Variants in PPP1R13B observed in about 807,000 individuals in gnomAD.
PPP1R13B encodes the protein protein phosphatase 1 regulatory subunit 13B.
A neutral mutation model predicts 119.8 loss-of-function variants in PPP1R13B; 44 were observed. That is an observed-to-expected ratio of 0.37 (90% CI 0.29 to 0.47). The LOEUF is 0.47. Ranked by LOEUF, PPP1R13B falls within the 20% of genes least tolerant of loss-of-function variation. The pLI, the probability that PPP1R13B is intolerant of heterozygous loss-of-function variation, is 0.99. For synonymous variants in PPP1R13B, 542 were observed against 561.5 expected, an observed-to-expected ratio of 0.97 and a Z score of 0.49; for missense variants, 1,227 against 1,413.5, an observed-to-expected ratio of 0.87 and a Z score of 2.12.
chr14:103,753,319 G>A (rs2084595673), intron 6 of PPP1R13B, 123 bp from the exon 7 acceptor site: 2 of 955,124 alleles, frequency 2.1e-6, no homozygotes, highest in Non-Finnish European at 3.0e-6. Context: ...GCTGTGATAT[G>A]CAGAATCCAC....
intron 3 of PPP1R13B, 74 bp downstream of exon 3, chr14:103,784,721 A>G: frequency 7.0e-7 from 1 of 1,429,190 alleles, no homozygotes; most frequent in Non-Finnish European, 9.5e-7. Context: ...GAATAATTTA[A>G]TATTTATTCC....
At chr14:103,833,117 T>C (rs1324322443) in intron 1 of PPP1R13B, among the ~76,000 whole-genome samples, 1 of 152,242 alleles carries the variant, frequency 6.6e-6, no homozygotes, top group Non-Finnish European at 1.5e-5. Context: ...ACTGTACACT[T>C]AAAAATGGCT....
chr14:103,799,135 G>A (rs2085832535), intron 1 of PPP1R13B, among the ~76,000 whole-genome samples: 1 of 152,024 alleles, frequency 6.6e-6, no homozygotes, highest in Admixed American at 6.6e-5. Context: ...GAGTAGCTGG[G>A]ATTACAGGCG....
intron 4 of PPP1R13B, among the ~76,000 whole-genome samples, chr14:103,776,243 T>C (rs1223841955): frequency 8.2e-6 from 1 of 121,234 alleles, no homozygotes; most frequent in Non-Finnish European, 1.7e-5. Flanking sequence ...GAAGGAAAGA[T>C]GGCAGGGGCC....
intron 7 of PPP1R13B, among the ~76,000 whole-genome samples, chr14:103,752,683 C>T (rs915369892): frequency 6.6e-6 from 1 of 151,890 alleles, no homozygotes; most frequent in South Asian, 2.1e-4. Flanking sequence ...TACGGGCATG[C>T]GCCACCACGC....
At chr14:103,744,943 G>T (rs970872778) in intron 9 of PPP1R13B, among the ~76,000 whole-genome samples, 1 of 152,204 alleles carries the variant, frequency 6.6e-6, no homozygotes, top group Admixed American at 6.5e-5. Flanking sequence ...CACCAACAAG[G>T]ACGGGACACA....
chr14:103,847,205 C>A, intron 1 of PPP1R13B, 94 bp downstream of exon 1: 1 of 1,045,062 alleles, frequency 9.6e-7, no homozygotes, highest in Non-Finnish European at 1.2e-6. Flanking sequence ...CGGCCTCGCA[C>A]CGGCCCGCGG....
intron 1 of PPP1R13B, among the ~76,000 whole-genome samples, chr14:103,844,890 T>G (rs909070632): frequency 2.6e-5 from 4 of 152,212 alleles, no homozygotes; most frequent in Non-Finnish European, 5.9e-5. Flanking sequence ...AGGTGTGTGC[T>G]GTAAAATGCA....
At chr14:103,779,154 G>A (rs1191714152) in intron 3 of PPP1R13B, among the ~76,000 whole-genome samples, 2 of 146,614 alleles carry the variant, frequency 1.4e-5, no homozygotes. Flanking sequence ...GCCGGGTATG[G>A]TGGTGCACCC....
chr14:103,767,759 A>C (rs2084969225), intron 4 of PPP1R13B, among the ~76,000 whole-genome samples: 1 of 151,982 alleles, frequency 6.6e-6, no homozygotes. Flanking sequence ...TCCTGTTTAT[A>C]ACTCTCTGTC....
intron 1 of PPP1R13B, among the ~76,000 whole-genome samples, chr14:103,801,581 C>T (rs963369147): frequency 6.6e-6 from 1 of 152,218 alleles, no homozygotes; most frequent in Admixed American, 6.5e-5. Context: ...AGGGAGGCCA[C>T]ATGCTCCTTC....
At chr14:103,771,278 C>T (rs932436341) in intron 4 of PPP1R13B, among the ~76,000 whole-genome samples, 1 of 151,984 alleles carries the variant, frequency 6.6e-6, no homozygotes, top group Non-Finnish European at 1.5e-5. Context: ...TCAAAAAATG[C>T]CCAGAGGTAA....
At chr14:103,753,726 C>G (rs1489126381) in intron 6 of PPP1R13B, among the ~76,000 whole-genome samples, 1 of 152,178 alleles carries the variant, frequency 6.6e-6, no homozygotes, top group East Asian at 1.9e-4. Context: ...GATTTTTCTA[C>G]TGCGTCTGAG....
In PPP1R13B at chr14:103,795,565, T is replaced by C. The variant is rs565800251; in HGVS notation, c.157+1806A>G. Among the ~76,000 whole-genome samples the C allele has an allele frequency of 2.0e-5, 3 of 152,284 alleles. No individual in the cohort carries two copies. In the South Asian group the frequency reaches 6.2e-4, roughly 32 times the overall value. ...AGAGGCCATAGACCATTTAGGGCTA[T>C]AATACTCGTGTAAAAATTTTATTCC... On this transcript the variant is annotated intron_variant, in intron 2 of 16. Transcript: ENST00000202556.
chr14:103,842,301 CT>C (rs34596421), intron 1 of PPP1R13B, among the ~76,000 whole-genome samples: 7,246 of 117,832 alleles, frequency 0.061, 164 homozygotes, highest in Non-Finnish European at 0.084. Context: ...AGAGTGCCTT[CT>C]TTTTTTTTTT....
intron 3 of PPP1R13B, among the ~76,000 whole-genome samples, chr14:103,780,629 A>C (rs1356232586): frequency 6.6e-6 from 1 of 151,738 alleles, no homozygotes; most frequent in Non-Finnish European, 1.5e-5. Flanking sequence ...CCTGGCCAAC[A>C]TGGTGAAACC....
intron 2 of PPP1R13B, among the ~76,000 whole-genome samples, chr14:103,795,747 G>A (rs941287915): frequency 2.0e-5 from 3 of 152,160 alleles, no homozygotes; most frequent in Non-Finnish European, 4.4e-5. Context: ...TTAACTGCCT[G>A]CTTCCTGTAG....
Position 103,775,328 on chromosome 14 carries a change from G to A in PPP1R13B, c.354+3417C>T, listed in dbSNP as rs189634617. ...CTCGCTCTGTCACCCAGGCTGGAGC[G>A]CAGTGGTGCAATCTCAGCTCACTGC... On this transcript the variant is annotated intron_variant, in intron 4 of 16. Transcript: ENST00000202556. Among the ~76,000 whole-genome samples, 31 of 150,822 alleles carry A rather than the reference G, an allele frequency of 2.1e-4. 1 individual carries two copies. The highest frequency in any genetic ancestry group is 5.3e-4 in the Admixed American group (8 of 15,152).
intron 16 of PPP1R13B, 143 bp downstream of exon 16, chr14:103,735,860 A>G: frequency 1.1e-6 from 1 of 902,048 alleles, no homozygotes; most frequent in Non-Finnish European, 1.7e-6. Flanking sequence ...AGCTCTGCCA[A>G]GTAGGCACCT....
Sources: gnomAD v4.1 joint callset for allele counts (sites outside exome capture counted in the v4.1 genomes callset) on GRCh38, gnomAD v4.1.1 for gene constraint, MANE v1.5 for transcripts, NCBI Gene and HGNC (gene_info 2026-07-23, HGNC 2026-07-21) for gene names.